Variants in NAF1 observed in about 807,000 individuals in gnomAD.
NAF1 encodes the protein nuclear assembly factor 1 ribonucleoprotein.
NAF1 carries 11 observed loss-of-function variants against 40.6 expected under a neutral mutation model. The ratio of observed to expected loss-of-function variants is 0.27; its 90% CI spans 0.17 to 0.45. The LOEUF (loss-of-function observed/expected upper bound fraction) is 0.45. Among genes scored for constraint, NAF1 ranks in the 20% least tolerant of loss-of-function variants. The pLI is 1.00. For missense variants in NAF1, 607 were observed against 611.1 expected, an observed-to-expected ratio of 0.99 and a Z score of 0.07; for synonymous variants, 260 against 228.5, an observed-to-expected ratio of 1.14 and a Z score of -1.24.
At chr4:163,142,116 T>C (rs1322934993) in intron 4 of NAF1, 1 of 161,842 alleles carries the variant, frequency 6.2e-6, no homozygotes. Context: ...AAGGTTTAGA[T>C]AAATCCAGTA....
intron 2 of NAF1, 29 bp downstream of exon 2, chr4:163,164,188 A>G (rs1420222292): frequency 1.3e-6 from 2 of 1,488,888 alleles, no homozygotes; most frequent in Non-Finnish European, 1.8e-6. Context: ...AAAACATGCA[A>G]ACTAAGCTTA....
At chr4:163,141,234 A>AG (rs1228449788) in intron 4 of NAF1, among the ~76,000 whole-genome samples, 1 of 152,074 alleles carries the variant, frequency 6.6e-6, no homozygotes, top group Non-Finnish European at 1.5e-5. Context: ...GTGTGGTGGC[A>AG]GGCACCTGTA....
At chr4:163,122,277 T>C (rs574081026), downstream of NAF1, among the ~76,000 whole-genome samples, 1 of 152,304 alleles carries the variant, frequency 6.6e-6, no homozygotes, top group South Asian at 2.1e-4. Context: ...CTTTACCAAA[T>C]TGGCCTCAAT....
At chr4:163,122,286 A>AT (rs897110706), downstream of NAF1, among the ~76,000 whole-genome samples, 7 of 152,038 alleles carry the variant, frequency 4.6e-5, no homozygotes, top group African/African-American at 1.2e-4. Context: ...ATTGGCCTCA[A>AT]TTTTTTTTAA....
At chr4:163,110,096 A>T (rs1372448198) in exon 3 of NAF1, 2 of 491,562 alleles carry the variant, frequency 4.1e-6, no homozygotes, top group Non-Finnish European at 7.2e-6. Flanking sequence ...TTATTTAGGC[A>T]GAACATACAG....
At chr4:163,105,220 T>C (rs1231953824), downstream of NAF1, among the ~76,000 whole-genome samples, 1 of 152,132 alleles carries the variant, frequency 6.6e-6, no homozygotes, top group Non-Finnish European at 1.5e-5. Flanking sequence ...AGCTCTGCAA[T>C]TTGCTGGCTG....
chr4:163,147,106 AT>A (rs1199044261), intron 3 of NAF1, among the ~76,000 whole-genome samples: 2 of 152,212 alleles, frequency 1.3e-5, no homozygotes, highest in Non-Finnish European at 2.9e-5. Context: ...AGTAAATGTA[AT>A]GATTCCAGAA....
chr4:163,139,583 T>C (rs973969532), intron 5 of NAF1, among the ~76,000 whole-genome samples: 1 of 151,966 alleles, frequency 6.6e-6, no homozygotes. Flanking sequence ...ATTTGAAAAA[T>C]ATTCAACCAA....
At chr4:163,157,723 T>C (rs1732047202) in intron 2 of NAF1, among the ~76,000 whole-genome samples, 1 of 152,114 alleles carries the variant, frequency 6.6e-6, no homozygotes, top group Non-Finnish European at 1.5e-5. Context: ...TATTTTAATT[T>C]TCTAACATCT....
chr4:163,124,507 C>A (rs1303075861), downstream of NAF1, among the ~76,000 whole-genome samples: 2 of 152,038 alleles, frequency 1.3e-5, no homozygotes, highest in Non-Finnish European at 2.9e-5. Flanking sequence ...ACAACGTAAA[C>A]CTTATATAAA....
rs371523480 is a variant in NAF1, at chr4:163,140,212, A to C, written c.878+11T>G. The C allele has an allele frequency of 1.3e-6, 2 of 1,568,370 alleles. No homozygotes were observed. The highest frequency in any genetic ancestry group is 2.4e-5 in the South Asian group (2 of 83,500). ...GGTAAGTGAAGAACAACATGCCGGT[A>C]AAGTACTTACTGTTTTAGTTTTTCT... On this transcript the variant is annotated intron_variant, in intron 5 of 7. Coordinates refer to ENST00000274054, the MANE Select transcript of NAF1 (RefSeq NM_138386.3).
chr4:163,156,848 TAA>T (rs1389334375), intron 2 of NAF1: 5 of 152,118 alleles, frequency 3.3e-5, no homozygotes, highest in African/African-American at 1.2e-4. Flanking sequence ...AAAATGCAAC[TAA>T]AAGCCTGTTC....
rs1346165559 is a variant in NAF1, at chr4:163,166,174, C to T, written c.365+189G>A. Among the ~76,000 whole-genome samples, 3 of 152,196 alleles carry T rather than the reference C, an allele frequency of 2.0e-5. No individual in the cohort carries two copies. The East Asian group carries it at 5.8e-4, about 29-fold the overall frequency. On this transcript the variant is annotated intron_variant, in intron 1 of 7. Coordinates refer to ENST00000274054, the MANE Select transcript of NAF1 (RefSeq NM_138386.3). ...CAGTACTAAGCTCAGATTCACAACG[C>T]GACCTGCTTTGAGAGGCAGCGAATA...
At chr4:163,123,354 G>C (rs1370663164), downstream of NAF1, among the ~76,000 whole-genome samples, 9 of 152,288 alleles carry the variant, frequency 5.9e-5, no homozygotes, top group East Asian at 1.5e-3. Context: ...ATTTGGAGGG[G>C]ACAAAGGTCC....
chr4:163,105,755 A>T (rs1730039633), downstream of NAF1, among the ~76,000 whole-genome samples: 1 of 152,180 alleles, frequency 6.6e-6, no homozygotes, highest in Admixed American at 6.5e-5. Context: ...TAAGTAAATT[A>T]TTTGGACTTG....
chr4:163,154,929 G>A lies in NAF1; in HGVS notation c.541-6495C>T, dbSNP rs913190656. Among the ~76,000 whole-genome samples the A allele has an allele frequency of 1.3e-4, 20 of 151,850 alleles. No individual in the cohort carries two copies. In the East Asian group the frequency reaches 3.9e-3, roughly 29 times the overall value. Reference sequence around the variant, plus strand: ...CAGAGCGAGAGAGGAGAACAAAGAGGAAAAATAACTCAAACGCCAACAGGA... The same window carrying A: ...CAGAGCGAGAGAGGAGAACAAAGAGAAAAAATAACTCAAACGCCAACAGGA... On this transcript the variant is annotated intron_variant, in intron 2 of 7. Coordinates refer to ENST00000274054, the MANE Select transcript of NAF1 (RefSeq NM_138386.3).
downstream of NAF1, among the ~76,000 whole-genome samples, chr4:163,109,582 ATTAG>A (rs971570701): frequency 1.2e-4 from 19 of 152,184 alleles, no homozygotes; most frequent in Non-Finnish European, 2.2e-4. Flanking sequence ...GCATTTTTCT[ATTAG>A]TTAGTGAATT....
rs920632648 is a variant in NAF1 at position 163,133,050 on chromosome 4, G to A, written c.1033+104C>T. On this transcript the variant is annotated intron_variant, in intron 7 of 7. Transcript: ENST00000274054. ...TCTAAATGTTAGCAGGATGCTAGGA[G>A]GTAAACAGAGAGAACCCAGATGTTT... is the stretch of plus-strand genomic sequence containing the variant. The A allele has an allele frequency of 6.8e-5, 63 of 921,184 alleles. No homozygotes were observed. The African/African-American group carries it at 1.0e-3, about 15-fold the overall frequency. The allele number at this position is 921,184 out of a possible 1,614,324, so 57.1% of individuals were successfully genotyped here.
At chr4:163,130,748 T>A (rs1423651180) in intron 7 of NAF1, among the ~76,000 whole-genome samples, 1 of 152,160 alleles carries the variant, frequency 6.6e-6, no homozygotes, top group Non-Finnish European at 1.5e-5. Flanking sequence ...GCAAAAAGAA[T>A]AAATCTAGAC....
Sources: allele counts gnomAD v4.1 joint callset (sites outside exome capture counted in the v4.1 genomes callset), GRCh38; gene constraint gnomAD v4.1.1; transcripts MANE v1.5; gene names NCBI Gene and HGNC (gene_info 2026-07-23, HGNC 2026-07-21).